SH3BP1: variants seen among roughly 807,000 people sequenced by gnomAD.
SH3BP1 encodes SH3 domain-binding protein 1.
Under a neutral mutation model 69.8 loss-of-function variants are expected in SH3BP1, and 46 were observed. That is an observed-to-expected ratio of 0.66 (90% CI 0.52 to 0.84). The LOEUF (loss-of-function observed/expected upper bound fraction) is 0.84, where lower values mean the gene tolerates loss of function less well. Among genes scored for constraint, SH3BP1 ranks in the 40% least tolerant of loss-of-function variants. The pLI, the probability that SH3BP1 is intolerant of heterozygous loss-of-function variation, is 0.00. For missense variants in SH3BP1, 868 were observed against 930.9 expected, an observed-to-expected ratio of 0.93 and a Z score of 0.88; for synonymous variants, 403 against 378.0, an observed-to-expected ratio of 1.07 and a Z score of -0.77.
chr22:37,644,590 A>G (rs766376203), intron 7 of SH3BP1, 47 bp from the exon 8 acceptor site: 2 of 1,587,482 alleles, frequency 1.3e-6, no homozygotes, highest in African/African-American at 2.7e-5. Flanking sequence ...TCCCCTCTAG[A>G]CCCCACAGCC....
Position 37,655,897 on chromosome 22 carries a change from C to G in SH3BP1, c.*213C>G. The G allele has an allele frequency of 6.4e-7, 1 of 1,560,250 alleles. No individual in the cohort carries two copies. ...CTCGTCCACCCTGGGCTTGGGGACC[C>G]CCCCACCGGACTCTCCACTCTCCGG... On this transcript the variant is annotated 3_prime_UTR_variant, in exon 18 of 18. Transcript: ENST00000649765.
At chr22:37,641,727 C>T (rs1046800650) in intron 3 of SH3BP1, 35 of 495,774 alleles carry the variant, frequency 7.1e-5, no homozygotes, top group Non-Finnish European at 1.2e-4. Flanking sequence ...ACCTGAACTT[C>T]TCTGTCCAAT....
chr22:37,641,144 G>C lies in SH3BP1; in HGVS notation c.78G>C (p.Glu26Asp), dbSNP rs1445369958. Residue 26 changes from glutamate to aspartate, a missense_variant, in exon 2 of 18, where the codon GAG becomes GAC. By Grantham distance (45) the Glu-to-Asp change is conservative. Transcript: ENST00000649765. ...CCCGCAGCACCCCGGAGACCGCTGAGTTCCTGGGTGAGGACCTGCTGCAGG... is the reference window on the plus strand; with the variant it reads ...CCCGCAGCACCCCGGAGACCGCTGACTTCCTGGGTGAGGACCTGCTGCAGG... The part of the protein sequence containing the change: ...GSLGRTPETA[E>D]FLGEDLLQVE... 8 of 1,503,628 alleles carry C rather than the reference G, an allele frequency of 5.3e-6. No individual in the cohort carries two copies. In the South Asian group the frequency reaches 8.4e-5, roughly 16 times the overall value. The allele number at this position is 1,503,628 out of a possible 1,614,324, so 93.1% of individuals were successfully genotyped here.
chr22:37,639,960 C>T (rs1231617588), intron 1 of SH3BP1, 114 bp downstream of exon 1: 1 of 761,308 alleles, frequency 1.3e-6, no homozygotes, highest in East Asian at 3.4e-5. Flanking sequence ...CAGCCACCCT[C>T]TGAGCGGCCA....
Position 37,644,876 on chromosome 22 carries a change from G to C in SH3BP1, c.694G>C (p.Glu232Gln), listed in dbSNP as rs757127419. 5 of 1,614,042 alleles carry C rather than the reference G, an allele frequency of 3.1e-6. No homozygotes were observed. The highest frequency in any genetic ancestry group is 4.2e-6 in the Non-Finnish European group (5 of 1,180,024). The change falls in exon 9 of 18, where the codon GAG (glutamate) becomes CAG (glutamine). Residue 232 changes from glutamate to glutamine, a missense_variant. By Grantham distance (29) the Glu-to-Gln change is conservative. Coordinates refer to ENST00000649765, the MANE Select transcript of SH3BP1 (RefSeq NM_018957.6). ...SYANYFIRLLEIQADYHRRSL... is the reference protein window; with the variant it reads ...SYANYFIRLLQIQADYHRRSL... ...TGTCCCTTCATCCCCACAGCTCCTG[G>C]AGATTCAGGCCGATTACCATCGCAG...
At chr22:37,651,336 T>C (rs1932875045) in intron 16 of SH3BP1, among the ~76,000 whole-genome samples, 1 of 136,768 alleles carries the variant, frequency 7.3e-6, no homozygotes, top group Admixed American at 7.3e-5. Context: ...ACCCAGCCTC[T>C]TTTTTTTTTT....
At chr22:37,647,617 T>C (rs971298665) in intron 13 of SH3BP1, 96 bp downstream of exon 13, 232 of 849,984 alleles carry the variant, frequency 2.7e-4, no homozygotes, top group Non-Finnish European at 3.5e-4. Context: ...GCCTTGCCAC[T>C]GTATCCTAAG....
chr22:37,648,420 C>A lies in SH3BP1; in HGVS notation c.1301C>A (p.Pro434Gln). The change falls in exon 14 of 18, where the codon CCA (proline) becomes CAA (glutamine). Residue 434 changes from proline (P) to glutamine (Q), a missense_variant. Transcript: ENST00000649765. ...AIVLGPNLLWPPEKEGDQAQL... is the reference protein window; with the variant it reads ...AIVLGPNLLWQPEKEGDQAQL... ...GTCCTGGGACCCAACTTGCTGTGGC[C>A]ACCTGAGAAAGAAGGGTGAGGGGCC... 1 of 1,566,072 alleles carries A rather than the reference C, an allele frequency of 6.4e-7. No individual in the cohort carries two copies. Among genetic ancestry groups the A allele is most frequent in the Admixed American group, 1.9e-5 (1 of 52,130 alleles).
chr22:37,641,545 C>A, intron 3 of SH3BP1, 67 bp downstream of exon 3: 2 of 1,350,946 alleles, frequency 1.5e-6, no homozygotes, highest in Non-Finnish European at 2.0e-6. Context: ...GAAGCAAGGT[C>A]GGGGCTGGGG....
rs749310028 is a variant in SH3BP1, at chr22:37,641,107, C to A, written c.60-19C>A. On this transcript the variant is annotated intron_variant, in intron 1 of 17. Transcript: ENST00000649765. Reference sequence around the variant, plus strand: ...CTCAGCAGAAGCACTCTCCCCCCCCCCCCCACCACTCCCCGCAGCACCCCG... The same window carrying A: ...CTCAGCAGAAGCACTCTCCCCCCCCACCCCACCACTCCCCGCAGCACCCCG... 197 of 1,363,190 alleles carry A rather than the reference C, an allele frequency of 1.4e-4. 4 individuals carry two copies. The highest frequency in any genetic ancestry group is 6.2e-4 in the East Asian group (25 of 40,120). 84.4% of individuals were successfully genotyped at this position (1,363,190 alleles called of 1,614,324 possible). A position where few individuals can be genotyped will look rare whatever the true frequency, so the allele number is the denominator to read the frequency against.
rs1422460298 is a variant in SH3BP1 at position 37,641,162 on chromosome 22, G to A, written c.96G>A (p.Leu32=). 1.9e-6 allele frequency: 3 copies of A among 1,543,404 alleles called. No individual in the cohort carries two copies. ...CCGCTGAGTTCCTGGGTGAGGACCT[G>A]CTGCAGGTACGTGCCTGGGCCGGGC... ...PETAEFLGED[L]LQVEQRLEPA... The change falls in exon 2 of 18, where the codon CTG becomes CTA. Residue 32 remains leucine (L), a synonymous_variant. Coordinates refer to ENST00000649765, the MANE Select transcript of SH3BP1 (RefSeq NM_018957.6).
intron 1 of SH3BP1, 79 bp from the exon 2 acceptor site, chr22:37,641,047 G>T: frequency 3.1e-6 from 3 of 977,434 alleles, no homozygotes; most frequent in East Asian, 2.6e-5. Context: ...CCTGCTGCGG[G>T]GAAGGGAAGT....
chr22:37,655,993 C>A lies in SH3BP1; in HGVS notation c.*309C>A. On this transcript the variant is annotated 3_prime_UTR_variant, in exon 18 of 18. Coordinates refer to ENST00000649765, the MANE Select transcript of SH3BP1 (RefSeq NM_018957.6). ...CCTACGGGACTGATTCTTCTCTTGC[C>A]GACATGTTTTTTGTAAGGCTGGTAA... 6.7e-7 allele frequency: 1 copy of A among 1,487,518 alleles called. No individual in the cohort carries two copies. The highest frequency in any genetic ancestry group is 9.0e-7 in the Non-Finnish European group (1 of 1,109,696). 92.1% of individuals were successfully genotyped at this position (1,487,518 alleles called of 1,614,324 possible). A position where few individuals can be genotyped will look rare whatever the true frequency, so the allele number is the denominator to read the frequency against.
chr22:37,639,754 G>A lies in SH3BP1; in HGVS notation c.-34G>A. ...GGGGCTCCCCGGGCCCGCGACCCCC[G>A]CCGTGACCCCGCAGCCCCCAGCTCG... On this transcript the variant is annotated 5_prime_UTR_variant, in exon 1 of 18. Coordinates refer to ENST00000649765, the MANE Select transcript of SH3BP1 (RefSeq NM_018957.6). 8.1e-7 allele frequency: 1 copy of A among 1,228,238 alleles called. No individual in the cohort carries two copies. Among genetic ancestry groups the A allele is most frequent in the Non-Finnish European group, 1.1e-6 (1 of 895,254 alleles). 76.1% of individuals were successfully genotyped at this position (1,228,238 alleles called of 1,614,324 possible).
chr22:37,655,669 C>T lies in SH3BP1; in HGVS notation c.2091C>T (p.Ala697=). ...CTCAGCCCCGCCCCAGGAGCCTTGCCTCAGAGACCAACTGAGTGGCTGGTT... is the reference window on the plus strand; with the variant it reads ...CTCAGCCCCGCCCCAGGAGCCTTGCTTCAGAGACCAACTGAGTGGCTGGTT... The part of the protein sequence containing the change: ...IPPQPRPRSL[A]SETN Residue 697 remains alanine (A), a synonymous_variant, in exon 18 of 18, where the codon GCC becomes GCT. Coordinates refer to ENST00000649765, the MANE Select transcript of SH3BP1 (RefSeq NM_018957.6). 1 of 1,510,844 alleles carries T rather than the reference C, an allele frequency of 6.6e-7. No individual in the cohort carries two copies. The highest frequency in any genetic ancestry group is 1.3e-5 in the South Asian group (1 of 75,004). The allele number at this position is 1,510,844 out of a possible 1,614,324, so 93.6% of individuals were successfully genotyped here. A position where few individuals can be genotyped will look rare whatever the true frequency, so the allele number is the denominator to read the frequency against.
Position 37,647,120 on chromosome 22 carries a change from C to T in SH3BP1, c.1037-147C>T, listed in dbSNP as rs531492559. 6.6e-5 allele frequency: 54 copies of T among 817,226 alleles called. No homozygotes were observed. In the African/African-American group the frequency reaches 8.5e-4, roughly 13 times the overall value. 50.6% of individuals were successfully genotyped at this position (817,226 alleles called of 1,614,324 possible). A position where few individuals can be genotyped will look rare whatever the true frequency, so the allele number is the denominator to read the frequency against. ...ATTTTTCTGGGGACAAGATGGCTAG[C>T]CTTCATTTTCTCAAAAGGGCCTACA... is the stretch of plus-strand genomic sequence containing the variant. On this transcript the variant is annotated intron_variant, in intron 11 of 17. Transcript: ENST00000649765.
intron 17 of SH3BP1, among the ~76,000 whole-genome samples, chr22:37,654,474 G>C (rs963866878): frequency 6.6e-6 from 1 of 152,068 alleles, no homozygotes; most frequent in Non-Finnish European, 1.5e-5. Context: ...AGGAGGCTGA[G>C]GCAGGAGAAT....
At chr22:37,655,169 A>AG in intron 17 of SH3BP1, 103 bp from the exon 18 acceptor site, 2 of 785,410 alleles carry the variant, frequency 2.5e-6, no homozygotes, top group Non-Finnish European at 3.9e-6. Flanking sequence ...TTCCCGGCAG[A>AG]GGGAACAGCA....
chr22:37,643,495 C>CA, intron 6 of SH3BP1, 149 bp from the exon 7 acceptor site: 1 of 1,158,328 alleles, frequency 8.6e-7, no homozygotes, highest in Non-Finnish European at 1.2e-6. Flanking sequence ...GCACTCATGG[C>CA]CCAGCCTGGG....
Sources: gnomAD v4.1 joint callset for allele counts (sites outside exome capture counted in the v4.1 genomes callset) on GRCh38, gnomAD v4.1.1 for gene constraint, MANE v1.5 for transcripts, NCBI Gene and HGNC (gene_info 2026-07-23, HGNC 2026-07-21) for gene names.